RTN4: variants seen among roughly 807,000 people sequenced by gnomAD.
The protein encoded by RTN4 is reticulon-4.
In RTN4, 32 loss-of-function variants were observed where a neutral mutation model predicts 90.4. The ratio of observed to expected loss-of-function variants is 0.35; its 90% CI spans 0.27 to 0.48. RTN4 has a LOEUF of 0.48. Among genes scored for constraint, RTN4 ranks in the 20% least tolerant of loss-of-function variants. The pLI is 0.99. For missense variants in RTN4, 1,706 were observed against 1,430.2 expected (o/e 1.19, Z -3.11); for synonymous variants, 629 against 552.5 (o/e 1.14, Z -1.94).
At chr2:55,110,027 G>A (rs1250569415) in intron 1 of RTN4, among the ~76,000 whole-genome samples, 2 of 152,056 alleles carry the variant, frequency 1.3e-5, no homozygotes, top group Admixed American at 1.3e-4. Flanking sequence ...GGAATCTCAG[G>A]GCTGGGCGTG....
intron 1 of RTN4, among the ~76,000 whole-genome samples, chr2:55,043,712 C>G (rs866586936): frequency 1.3e-5 from 2 of 152,046 alleles, no homozygotes; most frequent in Non-Finnish European, 2.9e-5. Context: ...ATGGTGAAAC[C>G]CCGTCTCTAC....
At chr2:55,089,015 C>T (rs1668891337) in intron 1 of RTN4, among the ~76,000 whole-genome samples, 1 of 152,134 alleles carries the variant, frequency 6.6e-6, no homozygotes, top group Non-Finnish European at 1.5e-5. Flanking sequence ...TCACTGCAAC[C>T]TCCGCCTCCT....
intron 2 of RTN4, among the ~76,000 whole-genome samples, chr2:55,059,911 C>A (rs1330971507): frequency 1.3e-5 from 2 of 152,040 alleles, no homozygotes; most frequent in African/African-American, 2.4e-5. Flanking sequence ...CTCCTGGGTT[C>A]AAGCGATCCT....
Position 55,026,062 on chromosome 2 carries a change from C to A in RTN4, c.2037G>T (p.Glu679Asp). ...KVSGIKEEIK[E>D]PENINAALQE... ...GAAGAGCTGCATTAATATTTTCAGG[C>A]TCTTTAATTTCTTCCTTTATTCCTG... Residue 679 changes from glutamate (E) to aspartate (D), a missense_variant, in exon 3 of 9, where the codon GAG (glutamate) becomes GAT (aspartate). Physicochemically the swap from Glu to Asp is conservative, Grantham distance 45 (BLOSUM62 2). Coordinates refer to ENST00000337526, the MANE Select transcript of RTN4 (RefSeq NM_020532.5). 2 of 1,610,402 alleles carry A rather than the reference C, an allele frequency of 1.2e-6. No individual in the cohort carries two copies. Among genetic ancestry groups the A allele is most frequent in the Non-Finnish European group, 1.7e-6 (2 of 1,179,106 alleles).
intron 3 of RTN4, among the ~76,000 whole-genome samples, chr2:55,015,193 G>A (rs1680944378): frequency 2.0e-5 from 3 of 152,060 alleles, no homozygotes; most frequent in Non-Finnish European, 4.4e-5. Context: ...TTCATGGAAG[G>A]CAATCTGGCA....
upstream of RTN4, among the ~76,000 whole-genome samples, chr2:55,053,133 T>G (rs984952205): frequency 2.0e-5 from 3 of 152,194 alleles, no homozygotes; most frequent in African/African-American, 7.2e-5. Flanking sequence ...CAGTGACTTC[T>G]AAAAAAATAA....
chr2:54,980,698 A>G (rs1321785315), intron 5 of RTN4, among the ~76,000 whole-genome samples: 1 of 152,074 alleles, frequency 6.6e-6, no homozygotes, highest in African/African-American at 2.4e-5. Context: ...TCCCCCACCA[A>G]TCTTTGACTA....
At chr2:55,052,637 AAAC>A (rs903048641), upstream of RTN4, among the ~76,000 whole-genome samples, 4 of 152,242 alleles carry the variant, frequency 2.6e-5, no homozygotes, top group African/African-American at 9.6e-5. Context: ...AATTTAAACA[AAAC>A]AAATTTCTAC....
At chr2:54,982,743 G>C in intron 4 of RTN4, 90 bp from the exon 5 acceptor site, 2 of 1,387,054 alleles carry the variant, frequency 1.4e-6, no homozygotes, top group Non-Finnish European at 2.0e-6. Context: ...AAGAAATTAA[G>C]AAAATATTCT....
At chr2:55,093,567 C>T (rs150646849) in intron 1 of RTN4, among the ~76,000 whole-genome samples, 5 of 152,154 alleles carry the variant, frequency 3.3e-5, no homozygotes, top group East Asian at 1.9e-4. Context: ...ATGCTTCTTC[C>T]GGAGGAAGCC....
At chr2:55,076,248 C>A (rs77864475) in intron 2 of RTN4, among the ~76,000 whole-genome samples, 1 of 151,996 alleles carries the variant, frequency 6.6e-6, no homozygotes, top group Non-Finnish European at 1.5e-5. Flanking sequence ...ACAAAACAAA[C>A]AATCCCATCA....
intron 2 of RTN4, among the ~76,000 whole-genome samples, chr2:55,077,227 A>G (rs1668619114): frequency 6.6e-6 from 1 of 151,642 alleles, no homozygotes. Flanking sequence ...GTTAGCCAGG[A>G]TGGTCTCGAT....
the RTN4 span, among the ~76,000 whole-genome samples, chr2:55,137,276 T>G: frequency 6.6e-6 from 1 of 151,876 alleles, no homozygotes; most frequent in Non-Finnish European, 1.5e-5. Flanking sequence ...GAGGAGGGCA[T>G]GAGAAGAGGA....
At chr2:55,021,358 G>A (rs143313897) in intron 3 of RTN4, among the ~76,000 whole-genome samples, 1 of 150,638 alleles carries the variant, frequency 6.6e-6, no homozygotes, top group African/African-American at 2.5e-5. Flanking sequence ...TGCATAAAGC[G>A]CAAAACTTTG....
At chr2:55,135,287 A>C in the RTN4 span, among the ~76,000 whole-genome samples, 1 of 149,996 alleles carries the variant, frequency 6.7e-6, no homozygotes, top group Non-Finnish European at 1.5e-5. Flanking sequence ...GACTCACGGC[A>C]ACCTCCGCCT....
intron 5 of RTN4, among the ~76,000 whole-genome samples, chr2:54,977,759 G>A (rs3769326): frequency 6.6e-6 from 1 of 152,144 alleles, no homozygotes; most frequent in Non-Finnish European, 1.5e-5. Flanking sequence ...GAAAATGATC[G>A]TTGCTCACTC....
intron 2 of RTN4, among the ~76,000 whole-genome samples, chr2:55,073,851 CGTT>C (rs1199712145): frequency 6.6e-6 from 1 of 152,196 alleles, no homozygotes; most frequent in Non-Finnish European, 1.5e-5. Context: ...CCAGACCACT[CGTT>C]GGTTGGTGGC....
chr2:54,987,419 A>G (rs748944414), intron 4 of RTN4, 72 bp downstream of exon 4: 2 of 1,083,354 alleles, frequency 1.8e-6, no homozygotes, highest in African/African-American at 3.1e-5. Context: ...CTCTATAGAC[A>G]GTAGATGAAG....
Position 55,025,937 on chromosome 2 carries a change from A to G in RTN4, c.2162T>C (p.Met721Thr), listed in dbSNP as rs1158505351. 1.9e-6 allele frequency: 3 copies of G among 1,612,730 alleles called. No individual in the cohort carries two copies. The highest frequency in any genetic ancestry group is 1.7e-4 in the Middle Eastern group (1 of 6,054). The change falls in exon 3 of 9, where the codon ATG becomes ACG. Residue 721 changes from methionine to threonine, a missense_variant. Physicochemically the swap from Met to Thr is moderately conservative, Grantham distance 81 (BLOSUM62 -1). Coordinates refer to ENST00000337526, the MANE Select transcript of RTN4 (RefSeq NM_020532.5). Reference sequence around the variant, plus strand: ...AGGCACTGGCTGTTCAACTTTTGCCATTTCTGAATAATCAGAGAAATCCGG... The same window carrying G: ...AGGCACTGGCTGTTCAACTTTTGCCGTTTCTGAATAATCAGAGAAATCCGG... ...PAPDFSDYSE[M>T]AKVEQPVPDH... is the part of the protein sequence containing the mutation.
Sources: allele counts gnomAD v4.1 joint callset (sites outside exome capture counted in the v4.1 genomes callset), GRCh38; gene constraint gnomAD v4.1.1; transcripts MANE v1.5; gene names NCBI Gene and HGNC (gene_info 2026-07-23, HGNC 2026-07-21).